The following AHRR variants were observed in gnomAD, a reference collection of about 807,000 sequenced individuals.
AHRR encodes the protein aryl hydrocarbon receptor repressor.
In AHRR, 28 loss-of-function variants were observed where a neutral mutation model predicts 44.0. That is an observed-to-expected ratio of 0.64 (90% CI 0.47 to 0.87). The LOEUF is 0.87. Ranked by LOEUF, AHRR falls within the 40% of genes least tolerant of loss-of-function variation. The pLI is 0.00. For missense variants in AHRR, 990 were observed against 953.9 expected, an observed-to-expected ratio of 1.04 and a Z score of -0.50; for synonymous variants, 434 against 407.0, an observed-to-expected ratio of 1.07 and a Z score of -0.80.
chr5:366,057 T>G (rs1373707374), intron 3 of AHRR, among the ~76,000 whole-genome samples: 2 of 151,654 alleles, frequency 1.3e-5, no homozygotes, highest in African/African-American at 4.9e-5. Context: ...TACACTCACC[T>G]TCCCCCCCCA....
At chr5:409,483 C>G (rs191688390) in intron 4 of AHRR, among the ~76,000 whole-genome samples, 1 of 152,310 alleles carries the variant, frequency 6.6e-6, no homozygotes, top group East Asian at 1.9e-4. Context: ...TCAGTGCTGT[C>G]GGTCTTTCTG....
chr5:368,226 C>T (rs1373717485), intron 3 of AHRR, among the ~76,000 whole-genome samples: 1 of 152,026 alleles, frequency 6.6e-6, no homozygotes, highest in Non-Finnish European at 1.5e-5. Context: ...GTGCCCTCTT[C>T]CGCAGTAGGA....
At chr5:367,976 G>A (rs374320991) in intron 3 of AHRR, 10 of 701,762 alleles carry the variant, frequency 1.4e-5, no homozygotes, top group Admixed American at 2.0e-5. Context: ...GCCACTGACC[G>A]CCTGTAGTGA....
chr5:349,605 A>T (rs1280715833), intron 2 of AHRR, among the ~76,000 whole-genome samples: 1 of 151,934 alleles, frequency 6.6e-6, no homozygotes. Flanking sequence ...AAGAAAGAAA[A>T]TTTTAAAAAA....
intron 5 of AHRR, chr5:422,490 T>G (rs1736172778): frequency 1.8e-6 from 1 of 543,708 alleles, no homozygotes; most frequent in Admixed American, 3.1e-5. Flanking sequence ...CCCGAAAGGC[T>G]GGATGTGGGC....
chr5:426,732 T>A (rs917032692), intron 7 of AHRR, among the ~76,000 whole-genome samples: 7 of 109,396 alleles, frequency 6.4e-5, no homozygotes, highest in African/African-American at 2.0e-4. Flanking sequence ...GATAGATGGG[T>A]GGATGGATGG....
At chr5:417,120 A>G (rs1346536888) in intron 5 of AHRR, among the ~76,000 whole-genome samples, 1 of 128,114 alleles carries the variant, frequency 7.8e-6, no homozygotes, top group African/African-American at 3.0e-5. Context: ...GAGTTTAGAG[A>G]AGGCGGGGTC....
At chr5:413,252 A>G in intron 4 of AHRR, 92 bp from the exon 5 acceptor site, 1 of 883,914 alleles carries the variant, frequency 1.1e-6, no homozygotes, top group Non-Finnish European at 1.8e-6. Context: ...AAACAGGAGG[A>G]AATTGTTGAA....
At chr5:330,146 G>C (rs1472878575) in intron 1 of AHRR, among the ~76,000 whole-genome samples, 4 of 151,966 alleles carry the variant, frequency 2.6e-5, no homozygotes, top group African/African-American at 9.7e-5. Context: ...TTCCTTCTGT[G>C]CCTAGTTTTT....
chr5:396,824 C>T (rs1022245407), intron 4 of AHRR, among the ~76,000 whole-genome samples: 7 of 151,486 alleles, frequency 4.6e-5, no homozygotes, highest in Admixed American at 3.9e-4. Flanking sequence ...CGCCCATCCA[C>T]ATCCCAGGCC....
intron 8 of AHRR, among the ~76,000 whole-genome samples, chr5:430,452 C>T (rs776729436): frequency 3.0e-4 from 46 of 152,364 alleles, no homozygotes; most frequent in Admixed American, 5.2e-4. Flanking sequence ...AGGGCCCTTT[C>T]GCCCCAGGGG....
chr5:376,527 G>C, intron 3 of AHRR, 83 bp from the exon 4 acceptor site: 3 of 1,391,940 alleles, frequency 2.2e-6, no homozygotes, highest in Non-Finnish European at 2.9e-6. Flanking sequence ...GTGAACGCGG[G>C]GAAACACAGG....
At chr5:433,476 G>A (rs549436550) in intron 10 of AHRR, among the ~76,000 whole-genome samples, 35 of 152,332 alleles carry the variant, frequency 2.3e-4, no homozygotes, top group African/African-American at 8.4e-4. Flanking sequence ...AGAAACTGCT[G>A]GACATGGTGT....
Position 391,417 on chromosome 5 carries a change from GTGC to G in AHRR, c.351+14702_351+14704del, listed in dbSNP as rs1734439736. On this transcript the variant is annotated intron_variant, in intron 4 of 10. Transcript: ENST00000684583. ...GCGCAGGGCGAGGCAGGGCCAGAGC[GTGC>G]ACGGGGGCAGGGCGAGGCGGGCGCA... is the stretch of plus-strand genomic sequence containing the variant. Among the ~76,000 whole-genome samples, 3 of 115,592 alleles carry G rather than the reference GTGC, an allele frequency of 2.6e-5. No individual in the cohort carries two copies. In the East Asian group the frequency reaches 8.0e-4, roughly 31 times the overall value. 75.8% of individuals were successfully genotyped at this position (115,592 alleles called of 152,430 possible).
chr5:391,192 C>G (rs1734399773), intron 4 of AHRR, among the ~76,000 whole-genome samples: 1 of 152,240 alleles, frequency 6.6e-6, no homozygotes, highest in Non-Finnish European at 1.5e-5. Flanking sequence ...GCAAGCAACT[C>G]CAGGCCAACA....
At chr5:420,989 GATGGTTCTTCTT>G (rs1736081205) in intron 5 of AHRR, 2 of 435,596 alleles carry the variant, frequency 4.6e-6, no homozygotes, top group African/African-American at 2.2e-5. Flanking sequence ...AAATATACAC[GATGGTTCTTCTT>G]ATGGTTCAGG....
rs2672732 is a variant in AHRR, at chr5:413,176, G to A, written c.352-168G>A. Among the ~76,000 whole-genome samples the A allele has an allele frequency of 0.015, 2,350 of 152,270 alleles. 93 individuals are homozygous for A. The highest frequency in any genetic ancestry group is 0.083 in the Admixed American group (1,270 of 15,300). ...CCTTCTCATGTTGCCTGTTAACTTG[G>A]AGCCTGTGACAAAATGGTAATAAAT... On this transcript the variant is annotated intron_variant, in intron 4 of 10. Coordinates refer to ENST00000684583, the MANE Select transcript of AHRR (RefSeq NM_001377236.1).
intron 4 of AHRR, chr5:403,654 A>AAT: frequency 3.7e-6 from 2 of 542,628 alleles, no homozygotes; most frequent in Non-Finnish European, 6.3e-6. Flanking sequence ...AAAAAAAAAA[A>AAT]GTAACCACTT....
At chr5:393,849 G>C (rs769040100) in intron 4 of AHRR, among the ~76,000 whole-genome samples, 17 of 152,166 alleles carry the variant, frequency 1.1e-4, no homozygotes, top group Non-Finnish European at 1.3e-4. Context: ...TGTTGGCCAG[G>C]CTGGTCTCCA....
Sources: allele counts gnomAD v4.1 joint callset (sites outside exome capture counted in the v4.1 genomes callset), GRCh38; gene constraint gnomAD v4.1.1; transcripts MANE v1.5; gene names NCBI Gene and HGNC (gene_info 2026-07-23, HGNC 2026-07-21).